The following PDE11A variants were observed in gnomAD, a reference collection of about 807,000 sequenced individuals.
PDE11A encodes dual 3',5'-cyclic-AMP and -GMP phosphodiesterase 11A.
In PDE11A, 100 loss-of-function variants were observed where a neutral mutation model predicts 100.5. The ratio of observed to expected loss-of-function variants is 1.00; its 90% confidence interval spans 0.85 to 1.18. The LOEUF (loss-of-function observed/expected upper bound fraction) is 1.18, where lower values mean the gene tolerates loss of function less well. PDE11A is among the 50% of genes most tolerant of loss of function. PDE11A has a pLI of 0.00. For missense variants in PDE11A, 1,141 were observed against 1,152.6 expected (o/e 0.99, Z 0.15); for synonymous variants, 381 against 420.8 (o/e 0.91, Z 1.16).
At chr2:177,719,721 G>A (rs1309780821) in intron 12 of PDE11A, among the ~76,000 whole-genome samples, 1 of 152,024 alleles carries the variant, frequency 6.6e-6, no homozygotes, top group African/African-American at 2.4e-5. Context: ...TTAATTTCTG[G>A]TATTTTAAAA....
intron 1 of PDE11A, among the ~76,000 whole-genome samples, chr2:178,025,430 T>A (rs948136781): frequency 6.6e-6 from 1 of 152,204 alleles, no homozygotes. Flanking sequence ...TTTAGTCACG[T>A]TGCTAAAGTA....
chr2:178,103,922 A>C (rs1230511103), intron 2 of PDE11A, among the ~76,000 whole-genome samples: 1 of 152,182 alleles, frequency 6.6e-6, no homozygotes, highest in Non-Finnish European at 1.5e-5. Context: ...AAACATGCTG[A>C]ATATACGCTT....
chr2:177,727,864 A>G, intron 11 of PDE11A, 99 bp from the exon 12 acceptor site: 1 of 976,336 alleles, frequency 1.0e-6, no homozygotes, highest in Non-Finnish European at 1.7e-6. Context: ...TCAGTGATCA[A>G]AGGCCTTCCA....
chr2:177,787,888 C>T (rs934127231), intron 9 of PDE11A, among the ~76,000 whole-genome samples: 5 of 152,158 alleles, frequency 3.3e-5, no homozygotes, highest in Non-Finnish European at 7.3e-5. Flanking sequence ...ATTCATAAAG[C>T]AAGTCCTGAA....
At chr2:177,899,460 A>C (rs1376381442) in intron 3 of PDE11A, 6 of 219,222 alleles carry the variant, frequency 2.7e-5, no homozygotes, top group African/African-American at 1.4e-4. Flanking sequence ...AAAACATTTT[A>C]TAAATAATGA....
chr2:177,856,227 C>A (rs2083830581), intron 5 of PDE11A, among the ~76,000 whole-genome samples: 1 of 152,042 alleles, frequency 6.6e-6, no homozygotes, highest in Non-Finnish European at 1.5e-5. Context: ...AGAATTAGTT[C>A]TGGCAAGTCA....
At chr2:177,948,982 T>C (rs2085475879) in intron 2 of PDE11A, among the ~76,000 whole-genome samples, 1 of 152,194 alleles carries the variant, frequency 6.6e-6, no homozygotes, top group Non-Finnish European at 1.5e-5. Context: ...GCATGGCATA[T>C]GGAGATCTTT....
chr2:177,959,309 G>C (rs1325407396), intron 2 of PDE11A, among the ~76,000 whole-genome samples: 1 of 152,168 alleles, frequency 6.6e-6, no homozygotes, highest in African/African-American at 2.4e-5. Flanking sequence ...GATGATGCAG[G>C]ACCTCGGAAG....
intron 6 of PDE11A, among the ~76,000 whole-genome samples, chr2:177,821,749 C>T (rs1478677299): frequency 6.6e-6 from 1 of 151,782 alleles, no homozygotes; most frequent in East Asian, 1.9e-4. Context: ...TGGTTTAAGT[C>T]TGTTTTCCTG....
chr2:177,711,819 G>C lies in PDE11A; in HGVS notation c.2103C>G (p.Cys701Trp). 6.2e-7 allele frequency: 1 copy of C among 1,612,222 alleles called. No individual in the cohort carries two copies. The highest frequency in any genetic ancestry group is 8.5e-7 in the Non-Finnish European group (1 of 1,178,318). ...CCCTGTGGTCGAGGTCATGACACAGGCATCCCACAATCACCGCTAAAATTT... is the reference window on the plus strand; with the variant it reads ...CCCTGTGGTCGAGGTCATGACACAGCCATCCCACAATCACCGCTAAAATTT... ...EVEILAVIVG[C>W]LCHDLDHRGT... Residue 701 changes from cysteine (C) to tryptophan (W), a missense_variant, in exon 13 of 20, where the codon TGC (cysteine) becomes TGG (tryptophan). Cys to Trp is a radical substitution (Grantham distance 215, BLOSUM62 -2). Coordinates refer to ENST00000286063, the MANE Select transcript of PDE11A (RefSeq NM_016953.4).
chr2:177,777,959 G>T (rs2082401213), intron 9 of PDE11A, among the ~76,000 whole-genome samples: 1 of 152,112 alleles, frequency 6.6e-6, no homozygotes, highest in Non-Finnish European at 1.5e-5. Context: ...TCTGACTTAA[G>T]AAATTTTTAT....
At chr2:177,666,904 A>AATTTATTT (rs3056898) in intron 18 of PDE11A, among the ~76,000 whole-genome samples, 1,731 of 141,420 alleles carry the variant, frequency 0.012, 27 homozygotes, top group African/African-American at 0.031. Flanking sequence ...GATAAAGTTC[A>AATTTATTT]ATTTATTTAT....
chr2:177,630,248 T>G (rs1361161632), intron 19 of PDE11A, among the ~76,000 whole-genome samples: 1 of 152,196 alleles, frequency 6.6e-6, no homozygotes, highest in Non-Finnish European at 1.5e-5. Context: ...AAGTCAGGCT[T>G]CAGCATCCTC....
chr2:177,656,355 G>A (rs942578580), intron 19 of PDE11A, among the ~76,000 whole-genome samples: 1 of 152,218 alleles, frequency 6.6e-6, no homozygotes, highest in Non-Finnish European at 1.5e-5. Context: ...GGGAGCAATA[G>A]GCTATCCCAT....
chr2:177,773,710 G>T (rs534160350), intron 9 of PDE11A, among the ~76,000 whole-genome samples: 2 of 152,284 alleles, frequency 1.3e-5, no homozygotes, highest in East Asian at 3.9e-4. Context: ...GTAGAGGGGG[G>T]AGAGAAATGG....
chr2:177,839,947 T>A (rs1040448398), intron 6 of PDE11A, among the ~76,000 whole-genome samples: 5 of 152,198 alleles, frequency 3.3e-5, no homozygotes, highest in South Asian at 2.1e-4. Context: ...AATATGGTAG[T>A]TGTTTTAGGG....
chr2:177,639,354 G>C (rs7602131), intron 19 of PDE11A, among the ~76,000 whole-genome samples: 10,091 of 152,140 alleles, frequency 0.066, 926 homozygotes, highest in African/African-American at 0.21. Context: ...TAAAAACTCT[G>C]TCTTGCTTAG....
At chr2:177,866,284 G>A (rs555459198) in intron 5 of PDE11A, among the ~76,000 whole-genome samples, 1 of 152,186 alleles carries the variant, frequency 6.6e-6, no homozygotes, top group Non-Finnish European at 1.5e-5. Context: ...ATGACTGAGC[G>A]TGATGAGGGC....
At chr2:177,723,614 T>A (rs374535806) in intron 12 of PDE11A, among the ~76,000 whole-genome samples, 89 of 152,308 alleles carry the variant, frequency 5.8e-4, no homozygotes, top group African/African-American at 1.8e-3. Flanking sequence ...TAGCTTTTTT[T>A]AACTGGACAC....
Sources: gnomAD v4.1 joint callset for allele counts (sites outside exome capture counted in the v4.1 genomes callset) on GRCh38, gnomAD v4.1.1 for gene constraint, MANE v1.5 for transcripts, NCBI Gene and HGNC (gene_info 2026-07-23, HGNC 2026-07-21) for gene names.